The following NR4A3 variants were observed in gnomAD, a reference collection of about 807,000 sequenced individuals.
The protein encoded by NR4A3 is nuclear receptor subfamily 4 group A member 3.
In NR4A3, 13 loss-of-function variants were observed where a neutral mutation model predicts 55.6. That is an observed-to-expected ratio of 0.23 (90% CI 0.15 to 0.37). The LOEUF is 0.37. NR4A3 is among the 10% of genes least tolerant of loss of function. NR4A3 has a pLI of 1.00. For missense variants in NR4A3, 646 were observed against 822.8 expected, an observed-to-expected ratio of 0.79 and a Z score of 2.63; for synonymous variants, 342 against 357.9, an observed-to-expected ratio of 0.96 and a Z score of 0.50.
Position 99,828,828 on chromosome 9 carries a change from G to C in NR4A3, c.786G>C (p.Thr262=), listed in dbSNP as rs1173192413. 6.8e-7 allele frequency: 1 copy of C among 1,476,966 alleles called. No homozygotes were observed. The highest frequency in any genetic ancestry group is 1.5e-5 in the African/African-American group (1 of 68,588). 91.5% of individuals were successfully genotyped at this position (1,476,966 alleles called of 1,614,324 possible). A position where few individuals can be genotyped will look rare whatever the true frequency, so the allele number is the denominator to read the frequency against. The change falls in exon 3 of 8, where the codon ACG becomes ACC. Residue 262 remains threonine (T), a synonymous_variant. Coordinates refer to ENST00000395097, the MANE Select transcript of NR4A3 (RefSeq NM_006981.4). This position sits in a 1 kb window ranked among gnomAD's most constrained non-coding sequence, Gnocchi z 7.7. ...TGGCCTTCCCGCCTCTCGGCCTCACGCCCTCCCCTACCGCGTCCAGCCTGC... is the reference window on the plus strand; with the variant it reads ...TGGCCTTCCCGCCTCTCGGCCTCACCCCCTCCCCTACCGCGTCCAGCCTGC... The part of the protein sequence containing the change: ...APLAFPPLGL[T]PSPTASSLLG...
intron 7 of NR4A3, among the ~76,000 whole-genome samples, chr9:99,850,250 G>C (rs910664114): frequency 4.6e-5 from 7 of 152,202 alleles, no homozygotes; most frequent in African/African-American, 1.7e-4. Context: ...GATTTACCCT[G>C]TCAGTGAGTT....
chr9:99,829,687 C>T lies in NR4A3; in HGVS notation c.951+694C>T, dbSNP rs962696497. Among the ~76,000 whole-genome samples, 8 of 152,034 alleles carry T rather than the reference C, an allele frequency of 5.3e-5. No homozygotes were observed. The East Asian group carries it at 1.4e-3, about 26-fold the overall frequency. ...TGTCTTCTTCTATGGAAAGAGCTGC[C>T]TCTTTCCATAGAAGATAGAACTTGG... On this transcript the variant is annotated intron_variant, in intron 3 of 7. Coordinates refer to ENST00000395097, the MANE Select transcript of NR4A3 (RefSeq NM_006981.4).
chr9:99,823,591 T>C (rs545000075), intron 1 of NR4A3, among the ~76,000 whole-genome samples: 91 of 152,164 alleles, frequency 6.0e-4, no homozygotes, highest in African/African-American at 2.0e-3. Context: ...TAGAATCAAG[T>C]TAGGGAAAGA....
At chr9:99,837,845 A>T (rs1326972552) in intron 5 of NR4A3, among the ~76,000 whole-genome samples, 1 of 152,204 alleles carries the variant, frequency 6.6e-6, no homozygotes, top group African/African-American at 2.4e-5. Context: ...TTTAATCTTC[A>T]TGTACTAGCA....
At chr9:99,840,662 CAG>C (rs1363394396) in intron 5 of NR4A3, among the ~76,000 whole-genome samples, 1 of 152,130 alleles carries the variant, frequency 6.6e-6, no homozygotes, top group Non-Finnish European at 1.5e-5. Context: ...GAAACTGACT[CAG>C]AGAGGTTAAA....
intron 7 of NR4A3, among the ~76,000 whole-genome samples, chr9:99,858,488 C>G (rs1827963403): frequency 6.6e-6 from 1 of 152,238 alleles, no homozygotes; most frequent in Non-Finnish European, 1.5e-5. Flanking sequence ...TGTCGCATCT[C>G]TAACCCCAGT....
At chr9:99,856,527 G>A (rs1042277388) in intron 7 of NR4A3, among the ~76,000 whole-genome samples, 1 of 152,180 alleles carries the variant, frequency 6.6e-6, no homozygotes, top group Non-Finnish European at 1.5e-5. Context: ...ACCAATTGGG[G>A]ACCCCTGATA....
At chr9:99,844,472 G>T (rs1189275757) in intron 5 of NR4A3, among the ~76,000 whole-genome samples, 177 bp from the exon 6 acceptor site, 1 of 152,238 alleles carries the variant, frequency 6.6e-6, no homozygotes, top group African/African-American at 2.4e-5. Context: ...TGCTGTATTT[G>T]TATCACAGGG....
rs1380610546 is a variant in NR4A3 at position 99,844,871 on chromosome 9, C to A, written c.1454+23C>A. ...CAGGTAATTACTACTATTTTATCTT[C>A]AGTCTACGTCCTTTGAAGAAGCCTG... On this transcript the variant is annotated intron_variant, in intron 6 of 7. Transcript: ENST00000395097. 4 of 1,567,472 alleles carry A rather than the reference C, an allele frequency of 2.6e-6. No homozygotes were observed. The East Asian group carries it at 9.0e-5, about 35-fold the overall frequency.
At chr9:99,833,021 A>G (rs1244190211) in intron 4 of NR4A3, among the ~76,000 whole-genome samples, 1 of 152,224 alleles carries the variant, frequency 6.6e-6, no homozygotes, top group Non-Finnish European at 1.5e-5. Flanking sequence ...GGACTTGTAT[A>G]CATACATCTT....
At chr9:99,850,880 C>T (rs1827837132) in intron 7 of NR4A3, among the ~76,000 whole-genome samples, 1 of 152,172 alleles carries the variant, frequency 6.6e-6, no homozygotes, top group Non-Finnish European at 1.5e-5. Context: ...TCAAGTTAGG[C>T]ATATGCCTTC....
At chr9:99,859,152 A>G (rs1827971952) in intron 7 of NR4A3, among the ~76,000 whole-genome samples, 1 of 152,220 alleles carries the variant, frequency 6.6e-6, no homozygotes, top group Non-Finnish European at 1.5e-5. Flanking sequence ...AAGAAATATT[A>G]AGAAGCTTGT....
chr9:99,826,932 C>A, intron 2 of NR4A3: 1 of 789,702 alleles, frequency 1.3e-6, no homozygotes, highest in Middle Eastern at 2.3e-4. Flanking sequence ...CCACCAAAAA[C>A]CGCCGTTTTT....
At chr9:99,836,926 T>G (rs1827569009) in intron 5 of NR4A3, among the ~76,000 whole-genome samples, 1 of 152,216 alleles carries the variant, frequency 6.6e-6, no homozygotes, top group South Asian at 2.1e-4. Context: ...GATATGTCCT[T>G]GTGGTTTGGA....
intron 3 of NR4A3, among the ~76,000 whole-genome samples, chr9:99,831,499 A>AT (rs1197336948): frequency 6.6e-6 from 1 of 152,254 alleles, no homozygotes; most frequent in Non-Finnish European, 1.5e-5. Context: ...TGAAATTAAA[A>AT]GGTAACAGGG....
In NR4A3 at chr9:99,828,011, T is replaced by C; in HGVS notation, c.-2-30T>C. ...GCTAGAAAACAAGTGTTAACTTGCT[T>C]CTGAGAGACCCTTTTCTCTGTCCCT... On this transcript the variant is annotated intron_variant, in intron 2 of 7. Transcript: ENST00000395097. The surrounding 1 kb of genome is among the most constrained non-coding windows in gnomAD (Gnocchi z 7.7). The C allele has an allele frequency of 6.3e-7, 1 of 1,586,834 alleles. No individual in the cohort carries two copies.
At position 99,863,919 on chromosome 9, in the gene NR4A3, C is replaced by T. The variant is rs776852845; in HGVS notation, c.*52C>T. On this transcript the variant is annotated 3_prime_UTR_variant, in exon 8 of 8. Transcript: ENST00000395097. ...CTCCTCTCCTAGCACCTGCTTGCTA[C>T]GCAGCAAAGGGATAGGTTTGGAAAC... 3.4e-5 allele frequency: 53 copies of T among 1,565,480 alleles called. No homozygotes were observed. Among genetic ancestry groups the T allele is most frequent in the Middle Eastern group, 3.6e-4 (2 of 5,592 alleles).
At chr9:99,856,657 G>A (rs754964417) in intron 7 of NR4A3, among the ~76,000 whole-genome samples, 1 of 152,234 alleles carries the variant, frequency 6.6e-6, no homozygotes, top group Non-Finnish European at 1.5e-5. Context: ...GGCTTACAGA[G>A]ACTAGATGAA....
At chr9:99,827,119 A>G (rs1490416373) in intron 2 of NR4A3, among the ~76,000 whole-genome samples, 1 of 152,196 alleles carries the variant, frequency 6.6e-6, no homozygotes, top group African/African-American at 2.4e-5. Flanking sequence ...AAGTCTATTG[A>G]GAAACTGCTT....
Sources: gnomAD v4.1 joint callset for allele counts (sites outside exome capture counted in the v4.1 genomes callset) on GRCh38, gnomAD v4.1.1 for gene constraint, Gnocchi (gnomAD v3.1) non-coding constraint, MANE v1.5 for transcripts, NCBI Gene and HGNC (gene_info 2026-07-23, HGNC 2026-07-21) for gene names.